Variants in PTPRD observed in about 807,000 individuals in gnomAD.
The protein encoded by PTPRD is protein tyrosine phosphatase receptor type D.
A neutral mutation model predicts 214.5 loss-of-function variants in PTPRD; 34 were observed. The observed-to-expected ratio is 0.16, with a 90% confidence interval of 0.12 to 0.21. The LOEUF (loss-of-function observed/expected upper bound fraction) is 0.21. Among genes scored for constraint, PTPRD ranks in the 10% least tolerant of loss-of-function variants. PTPRD has a pLI of 1.00. For missense variants in PTPRD, 2,545 were observed against 2,398.7 expected (o/e 1.06, Z -1.27); for synonymous variants, 1,128 against 845.7 (o/e 1.33, Z -5.79).
intron 2 of PTPRD, among the ~76,000 whole-genome samples, chr9:10,446,089 T>C (rs1054008749): frequency 6.6e-6 from 1 of 152,012 alleles, no homozygotes; most frequent in African/African-American, 2.4e-5. Flanking sequence ...CAAGCCCACA[T>C]GTTCAGCCTC....
At chr9:8,777,270 T>A (rs1044649837) in intron 11 of PTPRD, among the ~76,000 whole-genome samples, 1 of 152,134 alleles carries the variant, frequency 6.6e-6, no homozygotes, top group African/African-American at 2.4e-5. Flanking sequence ...AACTTTTTTG[T>A]TAAACTAGTA....
At chr9:8,887,040 T>A (rs1380749773) in intron 11 of PTPRD, among the ~76,000 whole-genome samples, 1 of 152,218 alleles carries the variant, frequency 6.6e-6, no homozygotes, top group Non-Finnish European at 1.5e-5. Flanking sequence ...CACAAAATCA[T>A]CTTCTGAAGT....
chr9:10,171,692 T>C (rs1483994687), intron 3 of PTPRD, among the ~76,000 whole-genome samples: 1 of 151,970 alleles, frequency 6.6e-6, no homozygotes, highest in Non-Finnish European at 1.5e-5. Context: ...GCCCGGCTAA[T>C]TTTTGTATTT....
At chr9:10,126,002 C>T (rs2098816530) in intron 3 of PTPRD, among the ~76,000 whole-genome samples, 1 of 151,838 alleles carries the variant, frequency 6.6e-6, no homozygotes, top group Non-Finnish European at 1.5e-5. Context: ...AATTTTAAAC[C>T]TATAAAACAC....
chr9:9,317,641 T>C (rs1038158193), intron 9 of PTPRD, among the ~76,000 whole-genome samples: 2 of 152,116 alleles, frequency 1.3e-5, no homozygotes, highest in Non-Finnish European at 2.9e-5. Flanking sequence ...TTGATGCTGA[T>C]GTTATATTTT....
chr9:9,747,934 T>C (rs1345414347), intron 6 of PTPRD, among the ~76,000 whole-genome samples: 1 of 152,156 alleles, frequency 6.6e-6, no homozygotes, highest in African/African-American at 2.4e-5. Context: ...AAGGAATGTA[T>C]AAACAGGTGG....
intron 11 of PTPRD, among the ~76,000 whole-genome samples, chr9:8,847,013 T>C (rs2117100): frequency 0.36 from 54,420 of 151,926 alleles, 12,955 homozygotes; most frequent in African/African-American, 0.68. Flanking sequence ...GATGGGGGCC[T>C]TTCAACAGAT....
In PTPRD at chr9:8,771,263, A is replaced by G. The variant is rs192343991; in HGVS notation, c.-103-37317T>C. Among the ~76,000 whole-genome samples, 11 of 152,310 alleles carry G rather than the reference A, an allele frequency of 7.2e-5. No homozygotes were observed. In the East Asian group the frequency reaches 1.9e-3, roughly 27 times the overall value. ...TCTAACTGAATACACTGATTTGTAAAATATTTTCCTAGTTATTTACAAAAG... is the reference window on the plus strand; with the variant it reads ...TCTAACTGAATACACTGATTTGTAAGATATTTTCCTAGTTATTTACAAAAG... On this transcript the variant is annotated intron_variant, in intron 11 of 45. Transcript: ENST00000381196.
At chr9:9,975,849 T>C (rs2095332281) in intron 4 of PTPRD, among the ~76,000 whole-genome samples, 3 of 152,196 alleles carry the variant, frequency 2.0e-5, no homozygotes. Flanking sequence ...AAAGTGGGGA[T>C]ACTGATAAAT....
intron 10 of PTPRD, among the ~76,000 whole-genome samples, chr9:9,133,371 G>A (rs1486126056): frequency 6.6e-6 from 1 of 152,036 alleles, no homozygotes; most frequent in African/African-American, 2.4e-5. Flanking sequence ...TGCATAACTT[G>A]GAGCTCTCTA....
At chr9:9,209,415 C>G (rs377130860) in intron 9 of PTPRD, among the ~76,000 whole-genome samples, 1 of 151,998 alleles carries the variant, frequency 6.6e-6, no homozygotes, top group Non-Finnish European at 1.5e-5. Context: ...GATTCAGATA[C>G]AAGTAATGTG....
At chr9:9,013,767 G>A (rs2099521746) in intron 11 of PTPRD, among the ~76,000 whole-genome samples, 1 of 152,104 alleles carries the variant, frequency 6.6e-6, no homozygotes, top group South Asian at 2.1e-4. Flanking sequence ...TGTACCCACT[G>A]TTTTTTCCAG....
chr9:10,512,897 GAA>G (rs35963359), intron 2 of PTPRD, among the ~76,000 whole-genome samples: 3 of 150,560 alleles, frequency 2.0e-5, no homozygotes, highest in Admixed American at 1.3e-4. Context: ...AGAAAGGAAA[GAA>G]AAAAAAATAA....
chr9:10,296,306 A>G (rs192264787), intron 3 of PTPRD, among the ~76,000 whole-genome samples: 3 of 152,178 alleles, frequency 2.0e-5, no homozygotes, highest in African/African-American at 7.2e-5. Context: ...CCCTTCTGGT[A>G]TCAAAGCCTG....
intron 3 of PTPRD, among the ~76,000 whole-genome samples, chr9:10,059,576 G>C (rs532417422): frequency 6.6e-6 from 1 of 151,972 alleles, no homozygotes; most frequent in East Asian, 1.9e-4. Context: ...TTGAATTAGA[G>C]AATTTAGGTG....
intron 5 of PTPRD, among the ~76,000 whole-genome samples, chr9:9,930,067 G>C (rs1417304449): frequency 6.6e-6 from 1 of 152,178 alleles, no homozygotes; most frequent in Non-Finnish European, 1.5e-5. Flanking sequence ...AGTACTATGA[G>C]ATAAAGCAGA....
At chr9:9,118,324 C>G (rs2099814274) in intron 10 of PTPRD, among the ~76,000 whole-genome samples, 1 of 152,180 alleles carries the variant, frequency 6.6e-6, no homozygotes, top group Non-Finnish European at 1.5e-5. Flanking sequence ...TGTATAGATT[C>G]ACAAGCGGAG....
chr9:9,483,658 T>C (rs756137174), intron 8 of PTPRD, among the ~76,000 whole-genome samples: 1 of 152,196 alleles, frequency 6.6e-6, no homozygotes, highest in Non-Finnish European at 1.5e-5. Flanking sequence ...TAGGTAGCAC[T>C]TGCAGTGAGT....
chr9:10,065,140 T>TAAGAAAGAAAGAAAGAAAGAAAGA (rs1567443905), intron 3 of PTPRD, among the ~76,000 whole-genome samples: 3 of 8,384 alleles, frequency 3.6e-4, no homozygotes, highest in South Asian at 2.5e-3. Context: ...GTGACTTGGA[T>TAAGAAAGAAAGAAAGAAAGAAAGA]TAGAAAGAAA....
Sources: gnomAD v4.1 joint callset for allele counts (sites outside exome capture counted in the v4.1 genomes callset) on GRCh38, gnomAD v4.1.1 for gene constraint, MANE v1.5 for transcripts, NCBI Gene and HGNC (gene_info 2026-07-23, HGNC 2026-07-21) for gene names.